METAP1D: variants seen among roughly 807,000 people sequenced by gnomAD.
METAP1D encodes methionyl aminopeptidase type 1D, mitochondrial, also known as methionine aminopeptidase 1D, mitochondrial.
Under a neutral mutation model 40.5 loss-of-function variants are expected in METAP1D, and 31 were observed. The observed-to-expected ratio is 0.77, with a 90% confidence interval of 0.58 to 1.03. The LOEUF (loss-of-function observed/expected upper bound fraction) is 1.03, where lower values mean the gene tolerates loss of function less well. METAP1D is among the 50% of genes least tolerant of loss of function. The probability of loss-of-function intolerance (pLI) is 0.00; values close to 1 mark genes in which losing one functional copy is unlikely to be tolerated. For synonymous variants in METAP1D, 151 were observed against 146.4 expected, an observed-to-expected ratio of 1.03 and a Z score of -0.22; for missense variants, 411 against 420.7, an observed-to-expected ratio of 0.98 and a Z score of 0.20.
chr2:172,006,852 A>G (rs563411445), intron 1 of METAP1D, among the ~76,000 whole-genome samples: 2 of 152,264 alleles, frequency 1.3e-5, no homozygotes, highest in African/African-American at 4.8e-5. Flanking sequence ...AGCACATTCC[A>G]GATATATTAT....
At position 172,079,247 on chromosome 2, in the gene METAP1D, A is replaced by G. The variant is rs753084919; in HGVS notation, c.835A>G (p.Met279Val). ...CAGTGATCTACCCATGGAGGAGGGC[A>G]TGGCATTCACTATAGGTAAATTGAG... ...NDSDLPMEEG[M>V]AFTIEPIITE... Residue 279 changes from methionine (M) to valine (V), a missense_variant, in exon 8 of 10, where the codon ATG becomes GTG. Physicochemically the swap from Met to Val is conservative, Grantham distance 21. Transcript: ENST00000315796. 2 of 1,614,004 alleles carry G rather than the reference A, an allele frequency of 1.2e-6. No individual in the cohort carries two copies. Among genetic ancestry groups the G allele is most frequent in the Non-Finnish European group, 1.7e-6 (2 of 1,179,998 alleles).
At chr2:172,014,654 T>C (rs1015101321) in intron 1 of METAP1D, among the ~76,000 whole-genome samples, 1 of 152,054 alleles carries the variant, frequency 6.6e-6, no homozygotes, top group Non-Finnish European at 1.5e-5. Flanking sequence ...TAGTTTTTCA[T>C]CTTTTTTTCT....
intron 1 of METAP1D, among the ~76,000 whole-genome samples, chr2:172,030,042 C>T (rs951446405): frequency 9.2e-5 from 14 of 151,928 alleles, no homozygotes; most frequent in Non-Finnish European, 1.9e-4. Flanking sequence ...AGACATGAGC[C>T]GCTGCACCCG....
At chr2:172,045,833 A>G (rs1431871322) in intron 1 of METAP1D, among the ~76,000 whole-genome samples, 23 of 86,124 alleles carry the variant, frequency 2.7e-4, no homozygotes, top group Admixed American at 5.9e-4. Context: ...ATATATATAT[A>G]TATATATATA....
chr2:172,000,815 A>G (rs563150458), intron 1 of METAP1D, among the ~76,000 whole-genome samples: 2 of 152,298 alleles, frequency 1.3e-5, no homozygotes, highest in African/African-American at 4.8e-5. Flanking sequence ...TTAAAACTCA[A>G]TGAATGAGAC....
rs892900114 is a variant in METAP1D at position 172,070,772 on chromosome 2, T to G, written c.541-135T>G. 4.3e-6 allele frequency: 3 copies of G among 691,038 alleles called. No individual in the cohort carries two copies. In the Admixed American group the frequency reaches 1.0e-4, roughly 24 times the overall value. 42.8% of individuals were successfully genotyped at this position (691,038 alleles called of 1,614,324 possible). On this transcript the variant is annotated intron_variant, in intron 5 of 9. Transcript: ENST00000315796. ...AGGTTTCAATATATCTATTTCTTCT[T>G]TTTTTGATAGGCAAATGAATAATTC... is the stretch of plus-strand genomic sequence containing the variant.
At chr2:172,039,698 C>T (rs960389798) in intron 1 of METAP1D, among the ~76,000 whole-genome samples, 3 of 148,094 alleles carry the variant, frequency 2.0e-5, no homozygotes, top group Admixed American at 6.8e-5. Context: ...GATGAACTCT[C>T]GCTCTATCGC....
At chr2:172,059,832 C>T (rs1317113465) in intron 1 of METAP1D, among the ~76,000 whole-genome samples, 1 of 152,058 alleles carries the variant, frequency 6.6e-6, no homozygotes, top group Admixed American at 6.6e-5. Flanking sequence ...GGGCAGATTA[C>T]GAGGTCAGGA....
At chr2:172,071,170 C>A in intron 6 of METAP1D, 100 bp downstream of exon 6, 1 of 1,079,050 alleles carries the variant, frequency 9.3e-7, no homozygotes. Context: ...GATTCAGAAC[C>A]ATCATTTCAG....
At chr2:172,006,410 C>T (rs1306343111) in intron 1 of METAP1D, among the ~76,000 whole-genome samples, 1 of 152,146 alleles carries the variant, frequency 6.6e-6, no homozygotes, top group Non-Finnish European at 1.5e-5. Context: ...GTCTCGATCT[C>T]CTGACCTCGT....
intron 1 of METAP1D, among the ~76,000 whole-genome samples, chr2:172,045,817 GTGTATA>G (rs1389210932): frequency 4.7e-3 from 76 of 16,312 alleles, no homozygotes; most frequent in East Asian, 0.017. Context: ...GTGTGTGTGT[GTGTATA>G]TATATATATA....
rs145640429 is a variant in METAP1D at position 172,081,512 on chromosome 2, C to T, written c.*1106C>T. On this transcript the variant is annotated 3_prime_UTR_variant, in exon 10 of 10. Coordinates refer to ENST00000315796, the MANE Select transcript of METAP1D (RefSeq NM_199227.3). The stretch of plus-strand genomic sequence containing the variant: ...TCAGGAACAGGAATCCAAGGGCCCA[C>T]GCTCTGTCTGCCAAGGGCCATTCCT... The T allele has an allele frequency of 1.5e-3, 225 of 152,420 alleles. 3 individuals are homozygous for T. In the East Asian group the frequency reaches 0.035, roughly 24 times the overall value. The allele number at this position is 152,420 out of a possible 1,614,324, so 9.4% of individuals were successfully genotyped here.
chr2:172,065,969 G>T (rs1003383310), intron 4 of METAP1D, among the ~76,000 whole-genome samples: 15 of 152,196 alleles, frequency 9.9e-5, no homozygotes, highest in African/African-American at 3.6e-4. Context: ...CTAAATGGGG[G>T]TTGTGCATTA....
At chr2:172,052,865 A>G (rs1689915001) in intron 1 of METAP1D, among the ~76,000 whole-genome samples, 1 of 152,184 alleles carries the variant, frequency 6.6e-6, no homozygotes, top group Non-Finnish European at 1.5e-5. Flanking sequence ...CTTGTCCTTT[A>G]GCTTTGCCCA....
intron 1 of METAP1D, among the ~76,000 whole-genome samples, chr2:172,030,498 G>A (rs148430350): frequency 1.6e-4 from 24 of 152,252 alleles, no homozygotes; most frequent in African/African-American, 5.3e-4. Flanking sequence ...TTGCTACCAT[G>A]TTATAGAGGG....
At chr2:172,079,629 G>A (rs1690651279) in intron 8 of METAP1D, among the ~76,000 whole-genome samples, 1 of 152,276 alleles carries the variant, frequency 6.6e-6, no homozygotes, top group Admixed American at 6.5e-5. Flanking sequence ...CTGATCCTGT[G>A]ATTGGTATCA....
intron 1 of METAP1D, among the ~76,000 whole-genome samples, chr2:172,043,081 A>G (rs1369420385): frequency 2.0e-5 from 1 of 49,702 alleles, no homozygotes; most frequent in Non-Finnish European, 4.6e-5. Flanking sequence ...GTGTGTGTGT[A>G]CATATATTTA....
chr2:172,042,451 GTACATATA>G (rs1327695166), intron 1 of METAP1D, among the ~76,000 whole-genome samples: 14 of 38,570 alleles, frequency 3.6e-4, no homozygotes, highest in Admixed American at 6.1e-4. Flanking sequence ...GTGTACATGC[GTACATATA>G]TACATATATA....
At chr2:172,048,500 A>G (rs887466199) in intron 1 of METAP1D, among the ~76,000 whole-genome samples, 6 of 152,258 alleles carry the variant, frequency 3.9e-5, no homozygotes, top group African/African-American at 1.4e-4. Context: ...AAGTAAACCA[A>G]TAGTACTCAG....
Sources: gnomAD v4.1 joint callset for allele counts (sites outside exome capture counted in the v4.1 genomes callset) on GRCh38, gnomAD v4.1.1 for gene constraint, MANE v1.5 for transcripts, NCBI Gene and HGNC (gene_info 2026-07-23, HGNC 2026-07-21) for gene names.